ARHGAP10: variants seen among roughly 807,000 people sequenced by gnomAD.
ARHGAP10 encodes the protein rho GTPase-activating protein 10.
In ARHGAP10, 87 loss-of-function variants were observed where a neutral mutation model predicts 108.6. The ratio of observed to expected loss-of-function variants is 0.80; its 90% confidence interval spans 0.67 to 0.96. The LOEUF (loss-of-function observed/expected upper bound fraction) is 0.96. Ranked by LOEUF, ARHGAP10 falls within the 40% of genes least tolerant of loss-of-function variation. The pLI is 0.00. For missense variants in ARHGAP10, 939 were observed against 954.5 expected (o/e 0.98, Z 0.21); for synonymous variants, 347 against 341.1 (o/e 1.02, Z -0.19).
At chr4:147,914,507 G>A (rs1176074659) in intron 13 of ARHGAP10, among the ~76,000 whole-genome samples, 4 of 150,808 alleles carry the variant, frequency 2.7e-5, no homozygotes, top group Non-Finnish European at 5.9e-5. Context: ...ATAGACATGA[G>A]CCACCATGCT....
chr4:147,776,219 T>C (rs1579029451), intron 1 of ARHGAP10, among the ~76,000 whole-genome samples: 1 of 152,174 alleles, frequency 6.6e-6, no homozygotes, highest in South Asian at 2.1e-4. Flanking sequence ...TGCGAATGAA[T>C]GATGGAAAAA....
At chr4:147,916,379 TC>T (rs1736983856) in intron 13 of ARHGAP10, 1 of 152,258 alleles carries the variant, frequency 6.6e-6, no homozygotes, top group South Asian at 2.1e-4. Context: ...ATGGCATTTT[TC>T]TTAAGCTATC....
intron 21 of ARHGAP10, among the ~76,000 whole-genome samples, chr4:148,063,812 A>G (rs1729733923): frequency 6.6e-6 from 1 of 152,210 alleles, no homozygotes; most frequent in Non-Finnish European, 1.5e-5. Context: ...AGACTGGCTA[A>G]AAGCATGGTT....
chr4:148,062,079 A>G (rs558917631), intron 20 of ARHGAP10, among the ~76,000 whole-genome samples: 1 of 152,318 alleles, frequency 6.6e-6, no homozygotes, highest in African/African-American at 2.4e-5. Context: ...TGTGGCAGAC[A>G]GGGTAGGCTG....
At chr4:147,881,340 TAAG>T (rs1048055699) in intron 9 of ARHGAP10, among the ~76,000 whole-genome samples, 1 of 151,112 alleles carries the variant, frequency 6.6e-6, no homozygotes, top group African/African-American at 2.4e-5. Flanking sequence ...TAGAAAATCT[TAAG>T]AATCAAGAGA....
rs116301986 is a variant in ARHGAP10, at chr4:147,986,194, A to C, written c.1716+19355A>C. Among the ~76,000 whole-genome samples the C allele has an allele frequency of 7.3e-3, 1,109 of 152,286 alleles. 19 individuals are homozygous for C. Among genetic ancestry groups the C allele is most frequent in the African/African-American group, 0.026 (1,070 of 41,548 alleles). ...CAGTTTCCTCATCTATGAAATAAGA[A>C]AAACGGAACTACCTCCCTGATGGAG... On this transcript the variant is annotated intron_variant, in intron 18 of 22. Coordinates refer to ENST00000336498, the MANE Select transcript of ARHGAP10 (RefSeq NM_024605.4).
chr4:147,943,604 A>G (rs1185608087), intron 14 of ARHGAP10, among the ~76,000 whole-genome samples: 1 of 152,232 alleles, frequency 6.6e-6, no homozygotes, highest in Non-Finnish European at 1.5e-5. Context: ...ATTCACCCAA[A>G]TAAAAAGTCA....
At chr4:148,052,091 G>C (rs1290805095) in intron 20 of ARHGAP10, among the ~76,000 whole-genome samples, 6 of 152,056 alleles carry the variant, frequency 3.9e-5, no homozygotes, top group Admixed American at 3.9e-4. Context: ...TGAATGATTT[G>C]CCTAAAGTTC....
At chr4:148,016,052 TC>T (rs1462470024) in intron 18 of ARHGAP10, among the ~76,000 whole-genome samples, 4 of 152,148 alleles carry the variant, frequency 2.6e-5, no homozygotes, top group Non-Finnish European at 5.9e-5. Context: ...GGAAGTGGGT[TC>T]AAATCTTTGT....
In ARHGAP10 at chr4:147,732,340, C is replaced by T. The variant is rs761302592; in HGVS notation, c.39C>T (p.Leu13=). The T allele has an allele frequency of 1.9e-6, 3 of 1,613,224 alleles. No individual in the cohort carries two copies. Among genetic ancestry groups the T allele is most frequent in the Admixed American group, 1.7e-5 (1 of 59,988 alleles). The change falls in exon 1 of 23, where the codon CTC becomes CTT. Residue 13 remains leucine (L), a synonymous_variant. Transcript: ENST00000336498. The stretch of plus-strand genomic sequence containing the variant: ...CCCTGGAGTTCAGCGACTGCTACCT[C>T]GACAGCCCGTGGTTCCGGGAGAGGA... The part of the protein sequence containing the change: ...LQPLEFSDCY[L]DSPWFRERIR...
Position 147,875,165 on chromosome 4 carries a change from A to G in ARHGAP10, c.832+15A>G. The stretch of plus-strand genomic sequence containing the variant: ...CCAGGAAAAAAGTAAGAGGCCCTCC[A>G]GCAGTGGCTGCGTGGCTGCTTAAAA... On this transcript the variant is annotated intron_variant, in intron 8 of 22. Coordinates refer to ENST00000336498, the MANE Select transcript of ARHGAP10 (RefSeq NM_024605.4). The G allele has an allele frequency of 6.4e-7, 1 of 1,558,356 alleles. No homozygotes were observed. Among genetic ancestry groups the G allele is most frequent in the Non-Finnish European group, 8.6e-7 (1 of 1,159,934 alleles).
At chr4:147,977,172 A>G (rs1319748187) in intron 18 of ARHGAP10, among the ~76,000 whole-genome samples, 4 of 152,238 alleles carry the variant, frequency 2.6e-5, no homozygotes, top group African/African-American at 4.8e-5. Flanking sequence ...AGAATAAAAA[A>G]TGATGATGAA....
At chr4:147,850,867 C>A (rs1450976006) in intron 4 of ARHGAP10, among the ~76,000 whole-genome samples, 4 of 152,150 alleles carry the variant, frequency 2.6e-5, no homozygotes, top group African/African-American at 7.2e-5. Context: ...GCCAAATGTC[C>A]CACAGGACTT....
rs111974112 is a variant in ARHGAP10 at position 147,795,555 on chromosome 4, G to A, written c.155-27172G>A. Among the ~76,000 whole-genome samples the A allele has an allele frequency of 7.0e-3, 1,061 of 152,290 alleles. 16 individuals are homozygous for A. Among genetic ancestry groups the A allele is most frequent in the East Asian group, 0.036 (187 of 5,194 alleles). ...GCAGTTTACAAACGCAACTTCTGGA[G>A]TGTGAGCTCTTTGAAGGTAGGAGCT... On this transcript the variant is annotated intron_variant, in intron 1 of 22. Transcript: ENST00000336498.
At chr4:147,871,110 C>T (rs1203752185) in intron 7 of ARHGAP10, among the ~76,000 whole-genome samples, 2 of 152,120 alleles carry the variant, frequency 1.3e-5, no homozygotes. Flanking sequence ...CAGGTGCCCG[C>T]CACCGTGCCC....
intron 18 of ARHGAP10, among the ~76,000 whole-genome samples, chr4:148,007,778 A>G (rs1395379414): frequency 6.6e-6 from 1 of 152,210 alleles, no homozygotes; most frequent in East Asian, 1.9e-4. Flanking sequence ...AAGGTTTACA[A>G]GGTTATTCCT....
chr4:147,809,179 A>G (rs893194996), intron 1 of ARHGAP10: 2 of 152,338 alleles, frequency 1.3e-5, no homozygotes, highest in Non-Finnish European at 2.9e-5. Flanking sequence ...ACAGCACTCC[A>G]GCCTGGGCAA....
intron 6 of ARHGAP10, chr4:147,865,927 A>G (rs1579133477): frequency 1.3e-5 from 2 of 152,190 alleles, no homozygotes; most frequent in East Asian, 3.8e-4. Context: ...TGTTGTACCG[A>G]ACTCATTATT....
intron 1 of ARHGAP10, among the ~76,000 whole-genome samples, chr4:147,756,146 GAAAA>G (rs1481553326): frequency 7.1e-6 from 1 of 141,746 alleles, no homozygotes; most frequent in African/African-American, 2.7e-5. Context: ...AAAAAAAAAA[GAAAA>G]AAAAGAAAGG....
Sources: gnomAD v4.1 joint callset for allele counts (sites outside exome capture counted in the v4.1 genomes callset) on GRCh38, gnomAD v4.1.1 for gene constraint, MANE v1.5 for transcripts, NCBI Gene and HGNC (gene_info 2026-07-23, HGNC 2026-07-21) for gene names.